The following CRB2 variants were observed in gnomAD, a reference collection of about 807,000 sequenced individuals.
CRB2 encodes the protein crumbs cell polarity complex component 2, also known as protein crumbs homolog 2.
CRB2 carries 85 observed loss-of-function variants against 110.9 expected under a neutral mutation model. The observed-to-expected ratio is 0.77, with a 90% CI of 0.64 to 0.92. CRB2 has a LOEUF of 0.92. Ranked by LOEUF, CRB2 falls within the 40% of genes least tolerant of loss-of-function variation. The pLI, the probability that CRB2 is intolerant of heterozygous loss-of-function variation, is 0.00. For synonymous variants in CRB2, 907 were observed against 831.0 expected (o/e 1.09, Z -1.57); for missense variants, 1,843 against 1,851.3 (o/e 1.00, Z 0.08).
At position 123,362,890 on chromosome 9, in the gene CRB2, T is replaced by G; in HGVS notation, c.120T>G (p.Ser40Arg). The change falls in exon 2 of 13, where the codon AGT becomes AGG. Residue 40 changes from serine (S) to arginine (R), a missense_variant. Coordinates refer to ENST00000373631, the MANE Select transcript of CRB2 (RefSeq NM_173689.7). ...GGACGGTGCCTTCAGAGCCCCCCAG[T>G]GCCTGTGCCTCAGACCCGTGCGCTC... ...LAGTVPSEPP[S>R]ACASDPCAPG... The G allele has an allele frequency of 6.3e-7, 1 of 1,588,702 alleles. No homozygotes were observed. Among genetic ancestry groups the G allele is most frequent in the Non-Finnish European group, 8.6e-7 (1 of 1,160,084 alleles).
chr9:123,376,403 T>G (rs1371311420), intron 12 of CRB2, among the ~76,000 whole-genome samples: 1 of 152,102 alleles, frequency 6.6e-6, no homozygotes, highest in African/African-American at 2.4e-5. Context: ...AGGGACAAGC[T>G]GTCATAACAG....
At position 123,373,184 on chromosome 9, in the gene CRB2, C is replaced by T. The variant is rs536358115; in HGVS notation, c.2653C>T (p.His885Tyr). 5.9e-6 allele frequency: 9 copies of T among 1,515,112 alleles called. No individual in the cohort carries two copies. The highest frequency in any genetic ancestry group is 3.6e-4 in the Middle Eastern group (2 of 5,556). 93.9% of individuals were successfully genotyped at this position (1,515,112 alleles called of 1,614,324 possible). ...GGGTCCCCCCGCCGCGTTCAGCGGG[C>T]ACAACGCGTCGTCAGGGCGCTTGCT... ...REGPPAAFSG[H>Y]NASSGRLLGG... The change falls in exon 10 of 13, where the codon CAC becomes TAC. Residue 885 changes from histidine (H) to tyrosine (Y), a missense_variant. Transcript: ENST00000373631.
chr9:123,369,970 G>T, intron 6 of CRB2, 138 bp from the exon 7 acceptor site: 1 of 1,034,298 alleles, frequency 9.7e-7, no homozygotes, highest in South Asian at 1.6e-5. Flanking sequence ...GGACTTGAGG[G>T]GACCATGAGA....
In CRB2 at chr9:123,370,773, G is replaced by T. The variant is rs753777646; in HGVS notation, c.1720G>T (p.Ala574Ser). 37 of 1,602,400 alleles carry T rather than the reference G, an allele frequency of 2.3e-5. No homozygotes were observed. The highest frequency in any genetic ancestry group is 4.5e-5 in the East Asian group (2 of 44,886). Residue 574 changes from alanine to serine, a missense_variant, in exon 7 of 13, where the codon GCG becomes TCG. By Grantham distance (99) the Ala-to-Ser change is moderately conservative (BLOSUM62 1). Transcript: ENST00000373631. The stretch of plus-strand genomic sequence containing the variant: ...GATCTCCTCTGCCCAGCTGGGGGAC[G>T]CGACCTTTGCAGGCTGCCTCCAGGA... ...AGISSAQLGD[A>S]TFAGCLQDVR...
At chr9:123,357,694 A>T (rs181413290) in intron 1 of CRB2, among the ~76,000 whole-genome samples, 1 of 152,104 alleles carries the variant, frequency 6.6e-6, no homozygotes, top group Admixed American at 6.5e-5. Flanking sequence ...CGGTCTGTGG[A>T]TCGGTGCTCT....
At chr9:123,374,772 G>C (rs2042078337) in intron 11 of CRB2, 77 bp downstream of exon 11, 1 of 1,032,444 alleles carries the variant, frequency 9.7e-7, no homozygotes, top group African/African-American at 1.6e-5. Flanking sequence ...GGTGGGGCGG[G>C]GGTCCTCGCC....
chr9:123,378,635 G>A lies in CRB2; in HGVS notation c.*1573G>A, dbSNP rs1215602899. On this transcript the variant is annotated 3_prime_UTR_variant, in exon 13 of 13. Coordinates refer to ENST00000373631, the MANE Select transcript of CRB2 (RefSeq NM_173689.7). Reference sequence around the variant, plus strand: ...TGAACTTTCTCTACAACCCTTGGGAGCGTGGGGAGGAGGCGGCTGGTTCCA... The same window carrying A: ...TGAACTTTCTCTACAACCCTTGGGAACGTGGGGAGGAGGCGGCTGGTTCCA... 6.6e-6 allele frequency: 1 copy of A among 152,190 alleles called. No homozygotes were observed. The highest frequency in any genetic ancestry group is 1.5e-5 in the Non-Finnish European group (1 of 68,100). 9.4% of individuals were successfully genotyped at this position (152,190 alleles called of 1,614,324 possible).
intron 1 of CRB2, among the ~76,000 whole-genome samples, chr9:123,358,727 G>A (rs1171018636): frequency 6.6e-6 from 1 of 152,238 alleles, no homozygotes; most frequent in Non-Finnish European, 1.5e-5. Flanking sequence ...AGCCAGTGCT[G>A]GGATTTCACA....
At chr9:123,375,373 G>A in intron 12 of CRB2, 30 bp downstream of exon 12, 1 of 1,552,838 alleles carries the variant, frequency 6.4e-7, no homozygotes, top group Non-Finnish European at 8.7e-7. Flanking sequence ...AGGGGCCGTG[G>A]ACGTGGCCTG....
rs202128397 is a variant in CRB2, at chr9:123,370,935, C to T, written c.1882C>T (p.Arg628Cys). ...GSCVDLWTHF[R>C]CDCARPHRGP... ...CTGTGTGGATCTGTGGACTCATTTC[C>T]GTTGCGACTGTGCCCGGCCCCATAG... Residue 628 changes from arginine (R) to cysteine (C), a missense_variant, in exon 7 of 13, where the codon CGT becomes TGT. Physicochemically the swap from Arg to Cys is radical, Grantham distance 180 (BLOSUM62 -3). Transcript: ENST00000373631. 7.5e-6 allele frequency: 12 copies of T among 1,609,914 alleles called. No individual in the cohort carries two copies. Among genetic ancestry groups the T allele is most frequent in the East Asian group, 4.5e-5 (2 of 44,722 alleles).
chr9:123,361,141 G>A (rs1294808463), intron 1 of CRB2, among the ~76,000 whole-genome samples: 1 of 136,260 alleles, frequency 7.3e-6, no homozygotes, highest in Non-Finnish European at 1.7e-5. Flanking sequence ...GCGGGGAGGG[G>A]GGGGGGTTCC....
At chr9:123,372,665 C>T (rs2042033312) in intron 9 of CRB2, among the ~76,000 whole-genome samples, 1 of 152,200 alleles carries the variant, frequency 6.6e-6, no homozygotes, top group African/African-American at 2.4e-5. Flanking sequence ...TTGGTAGGGG[C>T]TTTGAGGACA....
Position 123,370,879 on chromosome 9 carries a change from G to T in CRB2, c.1826G>T (p.Cys609Phe). The change falls in exon 7 of 13, where the codon TGC becomes TTC. Residue 609 changes from cysteine to phenylalanine, a missense_variant. By Grantham distance (205) the Cys-to-Phe change is radical (BLOSUM62 -2). Coordinates refer to ENST00000373631, the MANE Select transcript of CRB2 (RefSeq NM_173689.7). ...CTGGGCTGTGAGCGCCGAGAGCAGT[G>T]CCGGCCTCTGCCTTGTGTCCACGGA... ...VLLGCERREQ[C>F]RPLPCVHGGS... 1 of 1,611,702 alleles carries T rather than the reference G, an allele frequency of 6.2e-7. No individual in the cohort carries two copies.
At chr9:123,355,214 A>G (rs2041784718), upstream of CRB2, among the ~76,000 whole-genome samples, 1 of 152,190 alleles carries the variant, frequency 6.6e-6, no homozygotes, top group African/African-American at 2.4e-5. Flanking sequence ...GTCCCCCTGA[A>G]GAGCTCCTCC....
rs528839145 is a variant in CRB2 at position 123,376,304 on chromosome 9, T to C, written c.3634-534T>C. ...CTGGGACTACAGAGTCCCAGGCATG[T>C]AGAGGCTTTGATGGGGAATCCTGGG... is the stretch of plus-strand genomic sequence containing the variant. On this transcript the variant is annotated intron_variant, in intron 12 of 12. Coordinates refer to ENST00000373631, the MANE Select transcript of CRB2 (RefSeq NM_173689.7). 2.6e-5 allele frequency among the ~76,000 whole-genome samples: 4 copies of C among 152,250 alleles called. No individual in the cohort carries two copies. In the South Asian group the frequency reaches 8.3e-4, roughly 32 times the overall value.
chr9:123,375,203 C>T lies in CRB2; in HGVS notation c.3507-14C>T, dbSNP rs115981769. ...ATGGGGGAAGCCGCTTTCTCAGCCCCCCTCCCTCTCCAGGTGTCAGGTCCC... is the reference window on the plus strand; with the variant it reads ...ATGGGGGAAGCCGCTTTCTCAGCCCTCCTCCCTCTCCAGGTGTCAGGTCCC... On this transcript the variant is annotated splice_polypyrimidine_tract_variant and intron_variant, in intron 11 of 12. Coordinates refer to ENST00000373631, the MANE Select transcript of CRB2 (RefSeq NM_173689.7). The T allele has an allele frequency of 6.2e-7, 1 of 1,612,094 alleles. No homozygotes were observed. The highest frequency in any genetic ancestry group is 1.1e-5 in the South Asian group (1 of 90,838).
Position 123,363,037 on chromosome 9 carries a change from C to CA in CRB2, c.268dup (p.Thr90AsnfsTer22). 6.2e-7 allele frequency: 1 copy of CA among 1,612,420 alleles called. No homozygotes were observed. Among genetic ancestry groups the CA allele is most frequent in the Non-Finnish European group, 8.5e-7 (1 of 1,179,920 alleles). Reference sequence around the variant, plus strand: ...TGTGTGTGCCCCAGGGTCCAGATCCCACCGGCTTCCGCTGCTACTGCGTGC... The same window carrying CA: ...TGTGTGTGCCCCAGGGTCCAGATCCCAACCGGCTTCCGCTGCTACTGCGTGC... On this transcript the variant is annotated frameshift_variant, in exon 2 of 13. Coordinates refer to ENST00000373631, the MANE Select transcript of CRB2 (RefSeq NM_173689.7). LOFTEE classifies it high-confidence loss of function.
chr9:123,362,803 G>A (rs975865657), intron 1 of CRB2, 62 bp from the exon 2 acceptor site: 12 of 1,482,674 alleles, frequency 8.1e-6, no homozygotes, highest in South Asian at 5.2e-5. Context: ...CTGAGAGGGT[G>A]GGGAGGAGAT....
Position 123,370,130 on chromosome 9 carries a change from G to A in CRB2, c.1077G>A (p.Val359=). ...AAGGGCCGACATGTGAGGAAGATGT[G>A]GATGAATGCCTGTCGGATCCCTGCC... ...GYAGPTCEED[V]DECLSDPCLH... The change falls in exon 7 of 13, where the codon GTG becomes GTA. Residue 359 remains valine, a synonymous_variant. Transcript: ENST00000373631. 1.9e-6 allele frequency: 3 copies of A among 1,594,700 alleles called. No homozygotes were observed. The South Asian group carries it at 3.4e-5, about 18-fold the overall frequency.
Sources: allele counts gnomAD v4.1 joint callset (sites outside exome capture counted in the v4.1 genomes callset), GRCh38; gene constraint gnomAD v4.1.1; transcripts MANE v1.5; gene names NCBI Gene and HGNC (gene_info 2026-07-23, HGNC 2026-07-21).